TMC5: variants seen among roughly 807,000 people sequenced by gnomAD.
TMC5 encodes the protein transmembrane channel-like protein 5.
A neutral mutation model predicts 110.5 loss-of-function variants in TMC5; 86 were observed. That is an observed-to-expected ratio of 0.78 (90% CI 0.65 to 0.93). TMC5 has a LOEUF of 0.93. TMC5 is among the 40% of genes least tolerant of loss of function. The pLI, the probability that TMC5 is intolerant of heterozygous loss-of-function variation, is 0.00. For missense variants in TMC5, 1,144 were observed against 1,222.8 expected (o/e 0.94, Z 0.96); for synonymous variants, 455 against 439.5 (o/e 1.04, Z -0.44).
rs576795139 is a variant in TMC5 at position 19,454,880 on chromosome 16, T to C, written c.1048+5249T>C. 2.6e-5 allele frequency among the ~76,000 whole-genome samples: 4 copies of C among 152,330 alleles called. No homozygotes were observed. In the East Asian group the frequency reaches 7.7e-4, roughly 29 times the overall value. On this transcript the variant is annotated intron_variant, in intron 5 of 21. Transcript: ENST00000542583. The stretch of plus-strand genomic sequence containing the variant: ...TGGGTTAGGTGCAATGGTTCACACC[T>C]GTAATCCCAGCACTCTGGGAAGCCA...
In TMC5 at chr16:19,449,622, T is replaced by C. The variant is rs764297977; in HGVS notation, c.1039T>C (p.Ser347Pro). ...ATTGTCTGAATGTGATTGGCACAAG[T>C]CACCCCAAGGTAAGTGATATGGTTT... ...PPLSECDWHK[S>P]PQGQKLIASL... The change falls in exon 5 of 22, where the codon TCA becomes CCA. Residue 347 changes from serine to proline, a missense_variant. Coordinates refer to ENST00000542583, the MANE Select transcript of TMC5 (RefSeq NM_001261841.2). 4 of 1,614,018 alleles carry C rather than the reference T, an allele frequency of 2.5e-6. No individual in the cohort carries two copies. In the African/African-American group the frequency reaches 5.3e-5, roughly 22 times the overall value.
chr16:19,440,907 G>T lies in TMC5; in HGVS notation c.788+81G>T, dbSNP rs555849848. ...AAGTCAATGGAATTTGGTTGGTGTG[G>T]TTTAGATTAGGGATATATATGACGG... is the stretch of plus-strand genomic sequence containing the variant. On this transcript the variant is annotated intron_variant, in intron 3 of 21. Transcript: ENST00000542583. The T allele has an allele frequency of 4.3e-5, 61 of 1,406,506 alleles. 1 individual carries two copies. The East Asian group carries it at 1.3e-3, about 30-fold the overall frequency. The allele number at this position is 1,406,506 out of a possible 1,614,324, so 87.1% of individuals were successfully genotyped here. A position where few individuals can be genotyped will look rare whatever the true frequency, so the allele number is the denominator to read the frequency against.
chr16:19,494,391 AC>A, intron 20 of TMC5, 25 bp downstream of exon 20: 1 of 1,566,946 alleles, frequency 6.4e-7, no homozygotes, highest in Non-Finnish European at 8.8e-7. Flanking sequence ...TGCCTTGGGG[AC>A]CCCTGGGACA....
At chr16:19,471,575 T>C (rs1968342334) in intron 10 of TMC5, among the ~76,000 whole-genome samples, 1 of 152,278 alleles carries the variant, frequency 6.6e-6, no homozygotes. Context: ...CTTGGCCCAT[T>C]TCAGAGTCCT....
intron 17 of TMC5, among the ~76,000 whole-genome samples, chr16:19,490,075 G>A (rs1968848561): frequency 1.3e-5 from 2 of 152,124 alleles, no homozygotes; most frequent in Non-Finnish European, 2.9e-5. Context: ...ATGAGCCATA[G>A]TGCCTGGCCT....
At chr16:19,440,970 T>A in intron 3 of TMC5, 144 bp downstream of exon 3, 1 of 789,784 alleles carries the variant, frequency 1.3e-6, no homozygotes, top group Non-Finnish European at 2.0e-6. Context: ...TGCGCATACC[T>A]ATCTGTAGAC....
At chr16:19,449,744 C>T in intron 5 of TMC5, 113 bp downstream of exon 5, 1 of 901,770 alleles carries the variant, frequency 1.1e-6, no homozygotes, top group African/African-American at 1.6e-5. Context: ...GGGGTGGTTT[C>T]CCCCATGCTG....
upstream of TMC5, among the ~76,000 whole-genome samples, chr16:19,415,420 G>A (rs1966871831): frequency 6.6e-6 from 1 of 152,154 alleles, no homozygotes; most frequent in Non-Finnish European, 1.5e-5. Context: ...GTCGTAGCTT[G>A]CAGATGGGGT....
intron 13 of TMC5, 27 bp downstream of exon 13, chr16:19,477,545 A>G: frequency 1.9e-6 from 3 of 1,546,444 alleles, no homozygotes; most frequent in Non-Finnish European, 2.6e-6. Flanking sequence ...CTCTGCCTTA[A>G]GTTTGGTTTC....
At chr16:19,417,094 C>CAAAAAAAAAAAAAAAAAAAAA (rs60613963), upstream of TMC5, among the ~76,000 whole-genome samples, 1 of 69,190 alleles carries the variant, frequency 1.4e-5, no homozygotes, top group Non-Finnish European at 2.4e-5. Context: ...ACTCAGTCTT[C>CAAAAAAAAAAAAAAAAAAAAA]AAAAAAAAAA....
intron 5 of TMC5, among the ~76,000 whole-genome samples, chr16:19,458,928 G>T (rs1209809733): frequency 6.6e-6 from 1 of 152,148 alleles, no homozygotes. Context: ...CCTCGGCACG[G>T]TATCGCTGCC....
intron 4 of TMC5, 43 bp downstream of exon 4, chr16:19,444,293 G>A (rs4782247): frequency 0.83 from 1,328,404 of 1,591,506 alleles, 555,587 homozygotes; most frequent in African/African-American, 0.93. Flanking sequence ...GGAAAAAACT[G>A]AAATCACTGG....
At chr16:19,428,689 T>A (rs1380487703) in intron 1 of TMC5, among the ~76,000 whole-genome samples, 1 of 152,244 alleles carries the variant, frequency 6.6e-6, no homozygotes, top group Admixed American at 6.5e-5. Flanking sequence ...TCTTACATTC[T>A]CTTTACCTTA....
Position 19,440,115 on chromosome 16 carries a change from C to G in TMC5, c.77C>G (p.Thr26Arg), listed in dbSNP as rs192263908. ...YPDYSGSQNR[T>R]QGYLKTQGYP... ...GACTATTCAGGGTCTCAGAACCGTA[C>G]GCAGGGGTATTTGAAAACTCAAGGT... is the stretch of plus-strand genomic sequence containing the variant. The change falls in exon 3 of 22, where the codon ACG becomes AGG. Residue 26 changes from threonine to arginine, a missense_variant. Transcript: ENST00000542583. The G allele has an allele frequency of 1.2e-6, 2 of 1,614,128 alleles. No individual in the cohort carries two copies. Among genetic ancestry groups the G allele is most frequent in the Non-Finnish European group, 1.7e-6 (2 of 1,180,020 alleles).
chr16:19,422,290 A>AG lies in TMC5; in HGVS notation c.-308+4205dup, dbSNP rs1021412905. On this transcript the variant is annotated intron_variant, in intron 1 of 21. Coordinates refer to ENST00000542583, the MANE Select transcript of TMC5 (RefSeq NM_001261841.2). ...TTTGCTATGACTCAAAGATATTTAA[A>AG]GGGGGGGAAAAGAGAGAGAGAAAGA... Among the ~76,000 whole-genome samples the AG allele has an allele frequency of 9.2e-5, 14 of 151,864 alleles. No homozygotes were observed. In the East Asian group the frequency reaches 9.7e-4, roughly 10 times the overall value.
intron 4 of TMC5, among the ~76,000 whole-genome samples, chr16:19,448,415 C>T (rs531342406): frequency 4.6e-5 from 7 of 151,670 alleles, no homozygotes; most frequent in African/African-American, 9.7e-5. Context: ...CCCAGAAGTT[C>T]GAGACCAGCC....
At chr16:19,416,726 C>A (rs1052047884), upstream of TMC5, among the ~76,000 whole-genome samples, 18 of 152,138 alleles carry the variant, frequency 1.2e-4, no homozygotes, top group African/African-American at 3.6e-4. Flanking sequence ...AAGGGACATG[C>A]CATTGGTGAT....
chr16:19,497,903 T>C lies in TMC5; in HGVS notation c.2975-17T>C. The C allele has an allele frequency of 1.9e-6, 3 of 1,613,634 alleles. No individual in the cohort carries two copies. Among genetic ancestry groups the C allele is most frequent in the Non-Finnish European group, 2.5e-6 (3 of 1,179,754 alleles). ...GAGTGTGCCTGCGTTAACTTCTCTT[T>C]CCTGTGTCAAACCTAGACTTGCGAT... On this transcript the variant is annotated splice_polypyrimidine_tract_variant and intron_variant, in intron 21 of 21. Transcript: ENST00000542583.
At chr16:19,481,256 T>TA (rs1968611380) in intron 14 of TMC5, 114 bp from the exon 15 acceptor site, 2 of 772,986 alleles carry the variant, frequency 2.6e-6, no homozygotes, top group Non-Finnish European at 2.2e-6. Context: ...CAAGGGAACT[T>TA]ACGACTTTAT....
Sources: gnomAD v4.1 joint callset for allele counts (sites outside exome capture counted in the v4.1 genomes callset) on GRCh38, gnomAD v4.1.1 for gene constraint, MANE v1.5 for transcripts, NCBI Gene and HGNC (gene_info 2026-07-23, HGNC 2026-07-21) for gene names.